The following PRKN variants were observed in gnomAD, a reference collection of about 807,000 sequenced individuals.
The protein encoded by PRKN is parkin RBR E3 ubiquitin protein ligase.
PRKN carries 56 observed loss-of-function variants against 59.5 expected under a neutral mutation model. That is an observed-to-expected ratio of 0.94 (90% CI 0.76 to 1.18). The LOEUF is 1.18. Ranked by LOEUF, PRKN falls within the 50% of genes most tolerant of loss-of-function variation. PRKN has a pLI of 0.00. For synonymous variants in PRKN, 250 were observed against 222.1 expected (o/e 1.13, Z -1.12); for missense variants, 657 against 596.4 (o/e 1.10, Z -1.06).
intron 4 of PRKN, among the ~76,000 whole-genome samples, chr6:162,135,138 T>C (rs937567222): frequency 1.3e-5 from 2 of 152,092 alleles, no homozygotes; most frequent in African/African-American, 2.4e-5. Context: ...AGTTTTGTTG[T>C]TGTTGTTTGG....
At chr6:162,023,654 G>T (rs959921754) in intron 5 of PRKN, among the ~76,000 whole-genome samples, 7 of 152,078 alleles carry the variant, frequency 4.6e-5, no homozygotes, top group Admixed American at 1.3e-4. Flanking sequence ...GCCTGCTAGG[G>T]TATCGGGTTT....
intron 1 of PRKN, among the ~76,000 whole-genome samples, chr6:162,679,021 C>G (rs914944186): frequency 2.3e-4 from 35 of 152,036 alleles, no homozygotes; most frequent in Non-Finnish European, 4.6e-4. Flanking sequence ...GGTGACCTGC[C>G]TGCCTTGGCC....
intron 1 of PRKN, among the ~76,000 whole-genome samples, chr6:162,520,447 C>T (rs1778040259): frequency 1.3e-5 from 2 of 152,182 alleles, no homozygotes; most frequent in African/African-American, 4.8e-5. Context: ...CCCCTCCCAA[C>T]TCCTCTCTGT....
At position 161,592,889 on chromosome 6, in the gene PRKN, G is replaced by A. The variant is rs1263819474; in HGVS notation, c.872-23473C>T. Among the ~76,000 whole-genome samples, 1 of 152,204 alleles carries A rather than the reference G, an allele frequency of 6.6e-6. No homozygotes were observed. The highest frequency in any genetic ancestry group is 1.5e-5 in the Non-Finnish European group (1 of 68,030). On this transcript the variant is annotated intron_variant, in intron 7 of 11. Coordinates refer to ENST00000366898, the MANE Select transcript of PRKN (RefSeq NM_004562.3). This position sits in a 1 kb window ranked among gnomAD's most constrained non-coding sequence, Gnocchi z 4.8. Reference sequence around the variant, plus strand: ...ATGACTCCTGGCCAGGGGCCAGATCGTGATGGTCTCAAGGGTTGAAGTTTA... The same window carrying A: ...ATGACTCCTGGCCAGGGGCCAGATCATGATGGTCTCAAGGGTTGAAGTTTA...
chr6:162,540,401 T>C (rs1437540406), intron 1 of PRKN, among the ~76,000 whole-genome samples: 3 of 152,058 alleles, frequency 2.0e-5, no homozygotes, highest in African/African-American at 2.4e-5. Context: ...AAAGATCCCA[T>C]TAATGTTTAT....
At chr6:162,208,298 C>T (rs1785045750) in intron 3 of PRKN, among the ~76,000 whole-genome samples, 1 of 152,278 alleles carries the variant, frequency 6.6e-6, no homozygotes, top group Admixed American at 6.5e-5. Context: ...ATATTGTAAA[C>T]AGCTTCCAAT....
intron 7 of PRKN, among the ~76,000 whole-genome samples, chr6:161,676,129 C>T (rs1282473701): frequency 6.6e-6 from 1 of 152,202 alleles, no homozygotes; most frequent in African/African-American, 2.4e-5. Context: ...AGCCTGCAGC[C>T]CCTGGCTGCA....
chr6:162,154,823 T>G (rs1160059786), intron 4 of PRKN, among the ~76,000 whole-genome samples: 1 of 152,088 alleles, frequency 6.6e-6, no homozygotes, highest in Non-Finnish European at 1.5e-5. Flanking sequence ...TGATTTTTAT[T>G]TTTTATATGA....
At chr6:161,819,924 G>A (rs938546813) in intron 6 of PRKN, among the ~76,000 whole-genome samples, 4 of 151,980 alleles carry the variant, frequency 2.6e-5, no homozygotes, top group African/African-American at 9.7e-5. Flanking sequence ...ATCCAAAACA[G>A]CATAAAATTA....
chr6:161,640,642 T>G (rs1783705401), intron 7 of PRKN, among the ~76,000 whole-genome samples: 1 of 152,040 alleles, frequency 6.6e-6, no homozygotes, highest in Non-Finnish European at 1.5e-5. Flanking sequence ...CAGGCTTGAG[T>G]TGACAGACTC....
intron 2 of PRKN, among the ~76,000 whole-genome samples, chr6:162,314,139 C>T (rs1249859893): frequency 1.3e-5 from 2 of 152,070 alleles, no homozygotes; most frequent in African/African-American, 2.4e-5. Context: ...AGTTCCCATG[C>T]AGAATTAATC....
chr6:162,420,260 G>GTT (rs1554319547), intron 2 of PRKN, among the ~76,000 whole-genome samples: 470 of 105,934 alleles, frequency 4.4e-3, no homozygotes, highest in African/African-American at 0.014. Context: ...ATTTCACAAT[G>GTT]GCGGGGAGGG....
At chr6:162,540,701 G>A (rs1209646494) in intron 1 of PRKN, among the ~76,000 whole-genome samples, 2 of 151,612 alleles carry the variant, frequency 1.3e-5, no homozygotes, top group East Asian at 3.9e-4. Context: ...CAGCTACTCT[G>A]GAGGCTGAGG....
At chr6:161,478,691 C>A (rs1247683185) in intron 9 of PRKN, among the ~76,000 whole-genome samples, 4 of 152,034 alleles carry the variant, frequency 2.6e-5, no homozygotes, top group Non-Finnish European at 5.9e-5. Flanking sequence ...GAAAAAAATA[C>A]AATAAATTAG....
intron 2 of PRKN, among the ~76,000 whole-genome samples, chr6:162,287,853 G>C (rs1358056645): frequency 6.6e-6 from 1 of 152,132 alleles, no homozygotes; most frequent in Non-Finnish European, 1.5e-5. Flanking sequence ...GCAGCTAAGT[G>C]GGGGCAACCC....
intron 9 of PRKN, among the ~76,000 whole-genome samples, chr6:161,421,598 AG>A (rs1170058118): frequency 6.6e-5 from 10 of 152,170 alleles, no homozygotes. Context: ...CGGAGATCAC[AG>A]GAAGAGTTTG....
chr6:162,042,869 TTTGA>T (rs1402848559), intron 5 of PRKN, among the ~76,000 whole-genome samples: 2 of 152,220 alleles, frequency 1.3e-5, no homozygotes, highest in African/African-American at 4.8e-5. Flanking sequence ...GAAATGGTTC[TTTGA>T]TTGTTAAAAT....
At chr6:162,595,662 T>A (rs958827789) in intron 1 of PRKN, among the ~76,000 whole-genome samples, 4 of 152,176 alleles carry the variant, frequency 2.6e-5, no homozygotes, top group African/African-American at 9.7e-5. Context: ...TATTTTTAAA[T>A]AGAAATAATA....
chr6:162,489,305 T>C (rs1792699435), intron 1 of PRKN, among the ~76,000 whole-genome samples: 1 of 152,138 alleles, frequency 6.6e-6, no homozygotes, highest in South Asian at 2.1e-4. Context: ...CAAAGCGACA[T>C]ATGAAAAGCT....
Sources: gnomAD v4.1 joint callset for allele counts (sites outside exome capture counted in the v4.1 genomes callset) on GRCh38, gnomAD v4.1.1 for gene constraint, Gnocchi (gnomAD v3.1) non-coding constraint, MANE v1.5 for transcripts, NCBI Gene and HGNC (gene_info 2026-07-23, HGNC 2026-07-21) for gene names.